The following PHACTR1 variants were observed in gnomAD, a reference collection of about 807,000 sequenced individuals.
PHACTR1 encodes RPEL repeat containing 1.
In PHACTR1, 16 loss-of-function variants were observed where a neutral mutation model predicts 69.2. The observed-to-expected ratio is 0.23, with a 90% confidence interval of 0.16 to 0.35. The LOEUF (loss-of-function observed/expected upper bound fraction) is 0.35, where lower values mean the gene tolerates loss of function less well. PHACTR1 is among the 10% of genes least tolerant of loss of function. The pLI is 1.00. For missense variants in PHACTR1, 510 were observed against 734.7 expected, an observed-to-expected ratio of 0.69 and a Z score of 3.54; for synonymous variants, 312 against 284.5, an observed-to-expected ratio of 1.10 and a Z score of -0.97.
At chr6:12,957,827 C>T (rs1234575224) in intron 4 of PHACTR1, 3 of 985,562 alleles carry the variant, frequency 3.0e-6, no homozygotes, top group Non-Finnish European at 3.6e-6. Flanking sequence ...AGCTGGTCAG[C>T]GGCCAGGGAA....
intron 1 of PHACTR1, among the ~76,000 whole-genome samples, chr6:12,717,109 C>T (rs1013734226): frequency 6.6e-6 from 1 of 152,024 alleles, no homozygotes; most frequent in East Asian, 1.9e-4. Flanking sequence ...GCCTAGATGC[C>T]GGTGGCTGTT....
intron 4 of PHACTR1, among the ~76,000 whole-genome samples, chr6:12,812,054 T>C (rs531028765): frequency 3.9e-5 from 6 of 152,270 alleles, no homozygotes; most frequent in Middle Eastern, 3.4e-3. Flanking sequence ...TTCAATAGCA[T>C]TTTGTCCATT....
At chr6:12,840,993 G>A (rs1778637015) in intron 4 of PHACTR1, among the ~76,000 whole-genome samples, 1 of 152,208 alleles carries the variant, frequency 6.6e-6, no homozygotes, top group African/African-American at 2.4e-5. Flanking sequence ...GAGTCTAAGT[G>A]GGAACATGGA....
At chr6:12,991,264 C>A (rs1416765976) in intron 4 of PHACTR1, among the ~76,000 whole-genome samples, 2 of 152,146 alleles carry the variant, frequency 1.3e-5, no homozygotes, top group African/African-American at 4.8e-5. Flanking sequence ...ACACACTGAC[C>A]CAGGGTGACA....
intron 4 of PHACTR1, among the ~76,000 whole-genome samples, chr6:12,793,787 T>C (rs1772632155): frequency 6.6e-6 from 1 of 152,230 alleles, no homozygotes; most frequent in African/African-American, 2.4e-5. Context: ...GTTTCTGTTT[T>C]CTTTAATGAG....
chr6:13,166,710 G>A (rs989883366), intron 6 of PHACTR1, among the ~76,000 whole-genome samples: 3 of 152,094 alleles, frequency 2.0e-5, no homozygotes, highest in Non-Finnish European at 4.4e-5. Flanking sequence ...AGTGGTATGG[G>A]AAAAATATAG....
rs1236318486 is a variant in PHACTR1, at chr6:13,283,555, C to T, written c.1643C>T (p.Ala548Val). The T allele has an allele frequency of 6.2e-7, 1 of 1,613,716 alleles. No homozygotes were observed. Among genetic ancestry groups the T allele is most frequent in the Non-Finnish European group, 8.5e-7 (1 of 1,179,876 alleles). The change falls in exon 13 of 15, where the codon GCA (alanine) becomes GTA (valine). Residue 548 changes from alanine (A) to valine (V), a missense_variant. Physicochemically the swap from Ala to Val is moderately conservative, Grantham distance 64. This residue lies in a region of PHACTR1 where 91 missense variants were observed against 203.8 expected (regional missense o/e 0.45). Transcript: ENST00000332995. This position sits in a 1 kb window ranked among gnomAD's most constrained non-coding sequence, Gnocchi z 4.7. The stretch of plus-strand genomic sequence containing the variant: ...AAGCCGTGGACCCGCCTCACCGCTG[C>T]AGACAAAGTAAGCAGAGGGGAGTGC... ...ADKPWTRLTA[A>V]DKAAIRKELN...
chr6:12,945,105 C>T (rs899949869), intron 4 of PHACTR1, among the ~76,000 whole-genome samples: 1 of 152,102 alleles, frequency 6.6e-6, no homozygotes, highest in African/African-American at 2.4e-5. Context: ...ATGCCATGCT[C>T]TCTCTGGTTT....
chr6:13,087,530 G>A (rs1812506857), intron 5 of PHACTR1, among the ~76,000 whole-genome samples: 1 of 151,938 alleles, frequency 6.6e-6, no homozygotes, highest in African/African-American at 2.4e-5. Context: ...ATAACTTACT[G>A]CCTGACCATA....
chr6:12,832,385 A>C (rs1421023798), intron 4 of PHACTR1, among the ~76,000 whole-genome samples: 2 of 152,254 alleles, frequency 1.3e-5, no homozygotes, highest in East Asian at 3.9e-4. Flanking sequence ...TGTCATTGCT[A>C]GGCCAGCATA....
At chr6:13,182,748 A>G in intron 7 of PHACTR1, 62 bp downstream of exon 7, 2 of 1,448,116 alleles carry the variant, frequency 1.4e-6, no homozygotes, top group Non-Finnish European at 1.8e-6. Flanking sequence ...GGCACCAGGG[A>G]TCTTTGGCCT....
intron 10 of PHACTR1, among the ~76,000 whole-genome samples, chr6:13,256,740 A>G (rs1288378771): frequency 1.3e-5 from 2 of 152,196 alleles, no homozygotes; most frequent in Non-Finnish European, 2.9e-5. Flanking sequence ...CCAGTTCCCA[A>G]TAAGTTCCTC....
In PHACTR1 at chr6:13,152,082, CA is replaced by C. The variant is rs566101994; in HGVS notation, c.416-8121del. On this transcript the variant is annotated intron_variant, in intron 5 of 14. Transcript: ENST00000332995. ...GCGCAGTGGCTCACACCTATCATCC[CA>C]GCACTCTGGGAGGTAGAGGTGGGCG... Among the ~76,000 whole-genome samples, 21 of 152,254 alleles carry C rather than the reference CA, an allele frequency of 1.4e-4. No homozygotes were observed. In the South Asian group the frequency reaches 3.9e-3, roughly 29 times the overall value.
At chr6:13,279,274 C>G (rs139246148) in intron 12 of PHACTR1, 1 of 152,096 alleles carries the variant, frequency 6.6e-6, no homozygotes, top group African/African-American at 2.4e-5. Context: ...TAATAATAAA[C>G]GCATTGTTAA....
intron 4 of PHACTR1, among the ~76,000 whole-genome samples, chr6:12,877,681 T>C (rs1320726368): frequency 6.6e-6 from 1 of 152,184 alleles, no homozygotes; most frequent in African/African-American, 2.4e-5. Context: ...TCTTCTTGGA[T>C]GATCTTCTTG....
chr6:13,278,933 A>C (rs1779535559), intron 12 of PHACTR1, among the ~76,000 whole-genome samples: 1 of 148,564 alleles, frequency 6.7e-6, no homozygotes, highest in South Asian at 2.1e-4. Flanking sequence ...ACTGCACTCC[A>C]GCCTGGGCAA....
At chr6:12,830,089 GAGGGAAAGAAAGAAAGAAA>G in intron 4 of PHACTR1, among the ~76,000 whole-genome samples, 2 of 121,696 alleles carry the variant, frequency 1.6e-5, no homozygotes, top group African/African-American at 6.3e-5. Flanking sequence ...AGGAAGGAAG[GAGGGAAAGAAAGAAAGAAA>G]GAAAGAAAGA....
intron 5 of PHACTR1, among the ~76,000 whole-genome samples, chr6:13,110,986 G>T (rs1383001935): frequency 6.6e-6 from 1 of 151,754 alleles, no homozygotes; most frequent in Admixed American, 6.6e-5. Flanking sequence ...TAATATTCAG[G>T]AATTCTCATG....
intron 5 of PHACTR1, among the ~76,000 whole-genome samples, chr6:13,130,182 T>C (rs748312606): frequency 2.6e-5 from 4 of 151,918 alleles, no homozygotes; most frequent in Non-Finnish European, 4.4e-5. Flanking sequence ...TCATAGCCTA[T>C]GTCAAAAAGT....
Sources: gnomAD v4.1 joint callset for allele counts (sites outside exome capture counted in the v4.1 genomes callset) on GRCh38, gnomAD v4.1.1 for gene constraint, gnomAD v4.1.1 regional missense constraint, Gnocchi (gnomAD v3.1) non-coding constraint, MANE v1.5 for transcripts, NCBI Gene and HGNC (gene_info 2026-07-23, HGNC 2026-07-21) for gene names.